Variants in CHCHD3 observed in about 807,000 individuals in gnomAD.
CHCHD3 encodes the protein coiled-coil-helix-coiled-coil-helix domain containing 3, also known as MICOS complex subunit MIC19.
Under a neutral mutation model 38.2 loss-of-function variants are expected in CHCHD3, and 20 were observed. That is an observed-to-expected ratio of 0.52 (90% CI 0.37 to 0.76). CHCHD3 has a LOEUF of 0.76. Among genes scored for constraint, CHCHD3 ranks in the 30% least tolerant of loss-of-function variants. The pLI, the probability that CHCHD3 is intolerant of heterozygous loss-of-function variation, is 0.00. For synonymous variants in CHCHD3, 82 were observed against 100.0 expected (o/e 0.82, Z 1.07); for missense variants, 245 against 279.2 (o/e 0.88, Z 0.87).
At chr7:132,947,077 A>G (rs1310961200) in intron 4 of CHCHD3, among the ~76,000 whole-genome samples, 1 of 151,968 alleles carries the variant, frequency 6.6e-6, no homozygotes, top group Admixed American at 6.6e-5. Flanking sequence ...AATCTAATGA[A>G]GATTACTGCT....
intron 4 of CHCHD3, among the ~76,000 whole-genome samples, chr7:132,926,938 T>C (rs1235200180): frequency 6.6e-6 from 1 of 152,208 alleles, no homozygotes; most frequent in African/African-American, 2.4e-5. Flanking sequence ...ATTTTCGTTT[T>C]AACAAAACAT....
At chr7:132,912,204 A>G (rs1437602967) in intron 4 of CHCHD3, among the ~76,000 whole-genome samples, 2 of 152,238 alleles carry the variant, frequency 1.3e-5, no homozygotes, top group Admixed American at 1.3e-4. Flanking sequence ...CAAAAGTTGA[A>G]TAATTATGAG....
intron 6 of CHCHD3, among the ~76,000 whole-genome samples, chr7:132,818,764 T>C (rs1807269642): frequency 6.6e-6 from 1 of 152,210 alleles, no homozygotes; most frequent in Non-Finnish European, 1.5e-5. Flanking sequence ...TCACACTATA[T>C]AGAAATCTGA....
At chr7:133,048,903 T>C (rs936550913) in intron 2 of CHCHD3, among the ~76,000 whole-genome samples, 3 of 152,240 alleles carry the variant, frequency 2.0e-5, no homozygotes, top group African/African-American at 4.8e-5. Context: ...TCTTAAAATA[T>C]GCACACATCT....
At chr7:132,859,330 C>T (rs1808423780) in intron 5 of CHCHD3, among the ~76,000 whole-genome samples, 1 of 152,202 alleles carries the variant, frequency 6.6e-6, no homozygotes, top group South Asian at 2.1e-4. Context: ...TGTCAGCTGT[C>T]TGTGATGCCT....
intron 4 of CHCHD3, among the ~76,000 whole-genome samples, chr7:132,923,767 A>C (rs865798447): frequency 2.0e-5 from 3 of 152,206 alleles, no homozygotes; most frequent in Middle Eastern, 3.2e-3. Flanking sequence ...CAGCAGCCAG[A>C]AATATTTTTG....
chr7:133,001,551 GA>G (rs1268330805), intron 3 of CHCHD3, among the ~76,000 whole-genome samples: 1 of 151,830 alleles, frequency 6.6e-6, no homozygotes, highest in Non-Finnish European at 1.5e-5. Flanking sequence ...AATCTGATAA[GA>G]AAAAAAGTCT....
intron 6 of CHCHD3, among the ~76,000 whole-genome samples, chr7:132,797,431 C>T (rs532654563): frequency 3.3e-5 from 5 of 152,298 alleles, no homozygotes; most frequent in African/African-American, 1.2e-4. Context: ...TTTATGGTGA[C>T]CCCATTGGTC....
chr7:132,881,083 T>C (rs993965781), intron 5 of CHCHD3, among the ~76,000 whole-genome samples: 1 of 152,160 alleles, frequency 6.6e-6, no homozygotes, highest in Non-Finnish European at 1.5e-5. Context: ...AATAAGGACT[T>C]AAAAAATCTT....
chr7:133,073,430 T>C (rs191781296), intron 1 of CHCHD3, among the ~76,000 whole-genome samples: 9 of 152,278 alleles, frequency 5.9e-5, no homozygotes, highest in East Asian at 1.9e-4. Flanking sequence ...AAGCCCGGTC[T>C]CCACACTGAA....
chr7:132,861,094 T>C (rs971678254), intron 5 of CHCHD3, among the ~76,000 whole-genome samples: 5 of 152,136 alleles, frequency 3.3e-5, no homozygotes, highest in Non-Finnish European at 5.9e-5. Context: ...AATTGAACTA[T>C]GTTTTGGAAG....
chr7:133,018,488 T>C (rs1212731413), intron 3 of CHCHD3, among the ~76,000 whole-genome samples: 1 of 152,248 alleles, frequency 6.6e-6, no homozygotes, highest in Non-Finnish European at 1.5e-5. Context: ...TTGATCAATA[T>C]TAGTTATCAA....
intron 3 of CHCHD3, among the ~76,000 whole-genome samples, chr7:133,009,550 A>G (rs1303167229): frequency 6.6e-6 from 1 of 150,824 alleles, no homozygotes; most frequent in Non-Finnish European, 1.5e-5. Context: ...AAAAAAAAAA[A>G]CTCTGTCACG....
intron 4 of CHCHD3, among the ~76,000 whole-genome samples, chr7:132,954,584 A>G (rs1472994269): frequency 6.6e-6 from 1 of 152,012 alleles, no homozygotes; most frequent in South Asian, 2.1e-4. Flanking sequence ...ACAGCCCTCA[A>G]CCTGGGCTGT....
At chr7:132,972,602 G>T (rs535033534) in intron 4 of CHCHD3, 48 of 985,340 alleles carry the variant, frequency 4.9e-5, no homozygotes, top group Admixed American at 2.5e-4. Context: ...ATTGGGAACT[G>T]CCCAATAACT....
At chr7:133,021,868 C>A (rs375915823) in intron 3 of CHCHD3, among the ~76,000 whole-genome samples, 10 of 152,198 alleles carry the variant, frequency 6.6e-5, no homozygotes, top group African/African-American at 2.4e-4. Context: ...AGGTGGATCA[C>A]AAGGTCAGAA....
At chr7:132,846,147 A>C (rs1209809666) in intron 5 of CHCHD3, among the ~76,000 whole-genome samples, 1 of 152,126 alleles carries the variant, frequency 6.6e-6, no homozygotes, top group Non-Finnish European at 1.5e-5. Context: ...GAGAGTATGG[A>C]GTTTACTTCC....
chr7:133,060,060 A>G (rs1000151637), intron 2 of CHCHD3, among the ~76,000 whole-genome samples: 23 of 152,270 alleles, frequency 1.5e-4, no homozygotes, highest in African/African-American at 5.5e-4. Flanking sequence ...AATTAGTAAC[A>G]CAAGAAAAGG....
chr7:132,791,967 T>A (rs1806470958), intron 7 of CHCHD3, among the ~76,000 whole-genome samples: 1 of 152,166 alleles, frequency 6.6e-6, no homozygotes. Context: ...CAAGACGTCC[T>A]TATTGTGAGC....
Sources: gnomAD v4.1 joint callset for allele counts (sites outside exome capture counted in the v4.1 genomes callset) on GRCh38, gnomAD v4.1.1 for gene constraint, MANE v1.5 for transcripts, NCBI Gene and HGNC (gene_info 2026-07-23, HGNC 2026-07-21) for gene names.